ATP6AP2: variants seen among roughly 807,000 people sequenced by gnomAD.
ATP6AP2 encodes the protein renin receptor.
ATP6AP2 carries 1 observed loss-of-function variant against 23.4 expected under a neutral mutation model. The observed-to-expected ratio is 0.04, with a 90% CI of 0.02 to 0.20. The LOEUF is 0.20. ATP6AP2 is among the 10% of genes least tolerant of loss of function. The pLI, the probability that ATP6AP2 is intolerant of heterozygous loss-of-function variation, is 1.00. For missense variants in ATP6AP2, 174 were observed against 271.3 expected, an observed-to-expected ratio of 0.64 and a Z score of 2.52; for synonymous variants, 90 against 97.1, an observed-to-expected ratio of 0.93 and a Z score of 0.43.
At chrX:40,588,726 T>C (rs902720335) in intron 1 of ATP6AP2, among the ~76,000 whole-genome samples, 1 of 110,394 alleles carries the variant, frequency 9.1e-6, no homozygotes, top group Non-Finnish European at 1.9e-5. Flanking sequence ...CTTGTTCTTA[T>C]CAGGCAGACC....
At chrX:40,600,379 G>A (rs115047524) in intron 7 of ATP6AP2, 3,140 of 119,972 alleles carry the variant, frequency 0.026, 102 homozygotes, top group African/African-American at 0.095. Context: ...TCTTCTTAAA[G>A]TAATTTTAGT....
chrX:40,599,799 A>G, intron 7 of ATP6AP2, 58 bp downstream of exon 7: 1 of 1,183,871 alleles, frequency 8.4e-7, no homozygotes, highest in Non-Finnish European at 1.1e-6. Context: ...TTAGCCTCTT[A>G]ATAGAAAAAT....
At chrX:40,593,854 G>A (rs1372100822) in intron 3 of ATP6AP2, among the ~76,000 whole-genome samples, 1 of 111,233 alleles carries the variant, frequency 9.0e-6, no homozygotes, top group African/African-American at 3.3e-5. Flanking sequence ...TATGGACACC[G>A]AGGTTGCTTC....
chrX:40,581,862 T>TAGA lies in ATP6AP2; in HGVS notation c.37+761_37+763dup, dbSNP rs757318184. On this transcript the variant is annotated intron_variant, in intron 1 of 8. Transcript: ENST00000636580. ...ATGTATTTCATTTGACAGCAGTCCT[T>TAGA]AGAGGGCATCATCTTTGTTTTGCAG... 9.8e-3 allele frequency among the ~76,000 whole-genome samples: 1,094 copies of TAGA among 112,010 alleles called. 13 individuals are homozygous for TAGA. The highest frequency in any genetic ancestry group is 0.034 in the African/African-American group (1,040 of 30,772).
At chrX:40,587,684 C>G (rs1428643530) in intron 1 of ATP6AP2, among the ~76,000 whole-genome samples, 1 of 111,998 alleles carries the variant, frequency 8.9e-6, no homozygotes, top group African/African-American at 3.2e-5. Context: ...GACTTGGAGC[C>G]CATTTTTTTA....
At position 40,605,786 on chromosome X, in the gene ATP6AP2, G is replaced by A. The variant is rs770992212; in HGVS notation, c.*31G>A. 7 of 1,136,890 alleles carry A rather than the reference G, an allele frequency of 6.2e-6. No homozygotes were observed. Among genetic ancestry groups the A allele is most frequent in the Middle Eastern group, 3.0e-4 (1 of 3,290 alleles). 93.7% of individuals were successfully genotyped at this position (1,136,890 alleles called of 1,213,427 possible). On this transcript the variant is annotated 3_prime_UTR_variant, in exon 9 of 9. Transcript: ENST00000636580. ...ACCTGTGCCAGAATTAGAAAAGGGG[G>A]TTGGAAATTGGCTGTTTTGTTAAAA... is the stretch of plus-strand genomic sequence containing the variant.
chrX:40,582,864 A>G (rs1187598156), intron 1 of ATP6AP2, among the ~76,000 whole-genome samples: 1 of 111,972 alleles, frequency 8.9e-6, no homozygotes, highest in African/African-American at 3.2e-5. Context: ...CATGGTTTGA[A>G]CATGTTTTCC....
chrX:40,591,178 G>T (rs994086723), intron 2 of ATP6AP2, 56 bp from the exon 3 acceptor site: 1 of 1,201,860 alleles, frequency 8.3e-7, no homozygotes, highest in Non-Finnish European at 1.1e-6. Context: ...ATGTTATTGG[G>T]GAGGTGGGTT....
rs192375721 is a variant in ATP6AP2 at position 40,602,027 on chromosome X, A to G, written c.858+1146A>G. ...CTGGGTGTGGTGGCTCACGCCTGTAATCCCAGCACTTTGGGAGGTTGAGGC... is the reference window on the plus strand; with the variant it reads ...CTGGGTGTGGTGGCTCACGCCTGTAGTCCCAGCACTTTGGGAGGTTGAGGC... On this transcript the variant is annotated intron_variant, in intron 8 of 8. Transcript: ENST00000636580. Among the ~76,000 whole-genome samples, 590 of 90,667 alleles carry G rather than the reference A, an allele frequency of 6.5e-3. 17 individuals carry two copies. Among genetic ancestry groups the G allele is most frequent in the African/African-American group, 0.031 (441 of 14,045 alleles). The allele number at this position is 90,667 out of a possible 115,157, so 78.7% of individuals were successfully genotyped here. A position where few individuals can be genotyped will look rare whatever the true frequency, so the allele number is the denominator to read the frequency against.
At chrX:40,591,010 C>A in intron 2 of ATP6AP2, 1 of 392,151 alleles carries the variant, frequency 2.6e-6, no homozygotes, top group Non-Finnish European at 4.3e-6. Flanking sequence ...TACTATTGGA[C>A]TTTATTTCAA....
chrX:40,593,833 A>G (rs183281991), intron 3 of ATP6AP2, among the ~76,000 whole-genome samples: 25 of 111,233 alleles, frequency 2.2e-4, no homozygotes, highest in African/African-American at 5.9e-4. Context: ...ATCTTTATCC[A>G]TTCGTTTGAT....
intron 8 of ATP6AP2, among the ~76,000 whole-genome samples, chrX:40,604,288 C>A (rs1459703061): frequency 9.0e-6 from 1 of 111,725 alleles, no homozygotes; most frequent in Non-Finnish European, 1.9e-5. Context: ...AGCTACCTGA[C>A]ACTGGGTAAT....
intron 8 of ATP6AP2, among the ~76,000 whole-genome samples, chrX:40,602,662 A>C (rs867477105): frequency 0.012 from 1,301 of 107,900 alleles, 21 homozygotes; most frequent in African/African-American, 0.042. Context: ...AAAAAAAAAA[A>C]AAAACCGAAT....
At chrX:40,588,061 A>C (rs1379282708) in intron 1 of ATP6AP2, among the ~76,000 whole-genome samples, 1 of 112,359 alleles carries the variant, frequency 8.9e-6, no homozygotes, top group African/African-American at 3.2e-5. Context: ...TCAGTAACTG[A>C]AATTAGCTAC....
At chrX:40,599,330 T>C (rs899032468) in intron 6 of ATP6AP2, 13 of 346,713 alleles carry the variant, frequency 3.7e-5, no homozygotes, top group South Asian at 3.7e-4. Flanking sequence ...TTTTTAAAAC[T>C]GAGGAATTTT....
chrX:40,597,650 A>C lies in ATP6AP2; in HGVS notation c.520A>C (p.Ser174Arg). 3 of 1,207,678 alleles carry C rather than the reference A, an allele frequency of 2.5e-6. No individual in the cohort carries two copies. Among genetic ancestry groups the C allele is most frequent in the Non-Finnish European group, 3.4e-6 (3 of 891,735 alleles). The change falls in exon 5 of 9, where the codon AGT becomes CGT. Residue 174 changes from serine (S) to arginine (R), a missense_variant. By Grantham distance (110) the Ser-to-Arg change is moderately radical. Transcript: ENST00000636580. ...CAGTTCACTCCCCCTCAATTCTCTG[A>C]GTAGGAACAATGAAGTAAGTGCAGT... ...VLSSLPLNSL[S>R]RNNEVDLLFL... is the part of the protein sequence containing the mutation.
chrX:40,599,794 C>A (rs41298462), intron 7 of ATP6AP2, 53 bp downstream of exon 7: 15 of 1,186,770 alleles, frequency 1.3e-5, no homozygotes, highest in Non-Finnish European at 1.7e-5. Flanking sequence ...CACTTTTAGC[C>A]TCTTAATAGA....
intron 3 of ATP6AP2, chrX:40,592,221 C>T (rs766383705): frequency 1.7e-4 from 19 of 112,288 alleles, no homozygotes; most frequent in South Asian, 3.6e-4. Flanking sequence ...TGGTCAAATA[C>T]GGAAGATGAG....
Position 40,588,996 on chromosome X carries a change from G to A in ATP6AP2, c.48G>A (p.Gly16=). 2.5e-6 allele frequency: 3 copies of A among 1,209,675 alleles called. No homozygotes were observed. Among genetic ancestry groups the A allele is most frequent in the Non-Finnish European group, 3.4e-6 (3 of 894,291 alleles). Residue 16 remains glycine, a synonymous_variant, in exon 2 of 9, where the codon GGG becomes GGA. Transcript: ENST00000636580. The stretch of plus-strand genomic sequence containing the variant: ...CTGTTTTCTTTTCAGGTGTTTTGGG[G>A]AACGAGTTTAGTATATTAAAATCAC... ...VLLALVAGVL[G]NEFSILKSPG...
Sources: gnomAD v4.1 joint callset for allele counts (sites outside exome capture counted in the v4.1 genomes callset) on GRCh38, gnomAD v4.1.1 for gene constraint, MANE v1.5 for transcripts, NCBI Gene and HGNC (gene_info 2026-07-23, HGNC 2026-07-21) for gene names.